The following RAB38 variants were observed in gnomAD, a reference collection of about 807,000 sequenced individuals.
RAB38 encodes the protein ras-related protein Rab-38.
A neutral mutation model predicts 18.4 loss-of-function variants in RAB38; 15 were observed. That is an observed-to-expected ratio of 0.82 (90% CI 0.55 to 1.26). The LOEUF (loss-of-function observed/expected upper bound fraction) is 1.26, where lower values mean the gene tolerates loss of function less well. Ranked by LOEUF, RAB38 falls within the 50% of genes most tolerant of loss-of-function variation. The pLI is 0.00. For missense variants in RAB38, 294 were observed against 267.4 expected (o/e 1.10, Z -0.69); for synonymous variants, 101 against 104.4 (o/e 0.97, Z 0.20).
the RAB38 span, among the ~76,000 whole-genome samples, chr11:87,831,816 G>C: frequency 5.3e-4 from 81 of 152,296 alleles, 1 homozygote; most frequent in Middle Eastern, 6.8e-3. Flanking sequence ...TGTGTTTGTA[G>C]AATATTAATG....
chr11:88,055,930 G>A, the RAB38 span, among the ~76,000 whole-genome samples: 3 of 152,148 alleles, frequency 2.0e-5, no homozygotes, highest in African/African-American at 7.2e-5. Context: ...GTTTAGTTTA[G>A]TTTAGTTGAG....
chr11:88,057,716 G>A, the RAB38 span, among the ~76,000 whole-genome samples: 1 of 152,148 alleles, frequency 6.6e-6, no homozygotes, highest in East Asian at 1.9e-4. Context: ...TGTTACAAAA[G>A]TTTTTAGCCT....
chr11:87,852,154 C>A, the RAB38 span, among the ~76,000 whole-genome samples: 1 of 151,958 alleles, frequency 6.6e-6, no homozygotes, highest in African/African-American at 2.4e-5. Context: ...ATATTCCTTT[C>A]CTCTGGGTAT....
the RAB38 span, among the ~76,000 whole-genome samples, chr11:87,833,619 C>CA: frequency 6.6e-6 from 1 of 152,222 alleles, no homozygotes; most frequent in African/African-American, 2.4e-5. Flanking sequence ...TTAATTTTCT[C>CA]AAAAATCTTG....
the RAB38 span, among the ~76,000 whole-genome samples, chr11:88,018,235 G>A: frequency 1.6e-4 from 24 of 152,106 alleles, no homozygotes; most frequent in South Asian, 1.0e-3. Context: ...GTCTGTACCC[G>A]TATACACTTA....
the RAB38 span, among the ~76,000 whole-genome samples, chr11:87,882,176 G>A: frequency 1.3e-5 from 2 of 151,766 alleles, no homozygotes. Context: ...GATTGCCTCT[G>A]GCCCAGATTT....
chr11:87,829,808 G>T, the RAB38 span, among the ~76,000 whole-genome samples: 35 of 152,168 alleles, frequency 2.3e-4, no homozygotes, highest in Admixed American at 2.3e-3. Context: ...TATAAGGACA[G>T]AGGTGATATT....
chr11:88,138,843 C>T lies in RAB38; in HGVS notation c.483+10832G>A, dbSNP rs535929747. 9.3e-5 allele frequency among the ~76,000 whole-genome samples: 14 copies of T among 151,102 alleles called. No homozygotes were observed. In the East Asian group the frequency reaches 1.4e-3, roughly 15 times the overall value. ...TGTCGCCCAGGCTGGAGTGCAATGG[C>T]GCGATCTCGGCTCCCTGCAAGCTCC... is the stretch of plus-strand genomic sequence containing the variant. On this transcript the variant is annotated intron_variant, in intron 2 of 2. Transcript: ENST00000243662.
chr11:87,972,572 A>T, the RAB38 span, among the ~76,000 whole-genome samples: 1 of 152,046 alleles, frequency 6.6e-6, no homozygotes, highest in Non-Finnish European at 1.5e-5. Context: ...GAAGTACAAT[A>T]GACCCACACC....
chr11:87,871,485 G>A, the RAB38 span, among the ~76,000 whole-genome samples: 2 of 151,634 alleles, frequency 1.3e-5, no homozygotes, highest in Non-Finnish European at 3.0e-5. Flanking sequence ...ATATACCTAT[G>A]TTTAAAATTC....
the RAB38 span, among the ~76,000 whole-genome samples, chr11:87,838,087 A>C: frequency 6.6e-6 from 1 of 151,972 alleles, no homozygotes; most frequent in African/African-American, 2.4e-5. Flanking sequence ...TACAGGAAGA[A>C]AGGCTTACAT....
At chr11:88,042,266 CCT>C in the RAB38 span, among the ~76,000 whole-genome samples, 1 of 152,194 alleles carries the variant, frequency 6.6e-6, no homozygotes, top group Admixed American at 6.5e-5. Context: ...ATAGCCCCCA[CCT>C]CTCATTTGCT....
chr11:87,949,394 T>C, the RAB38 span, among the ~76,000 whole-genome samples: 1 of 152,210 alleles, frequency 6.6e-6, no homozygotes, highest in African/African-American at 2.4e-5. Flanking sequence ...TTTCCTTCAG[T>C]TCTGCTCTGA....
At chr11:87,971,853 T>G in the RAB38 span, among the ~76,000 whole-genome samples, 1 of 152,024 alleles carries the variant, frequency 6.6e-6, no homozygotes, top group African/African-American at 2.4e-5. Context: ...TTTTGCTGAA[T>G]GTAGTAGACA....
At chr11:87,959,432 C>G in the RAB38 span, among the ~76,000 whole-genome samples, 1 of 152,170 alleles carries the variant, frequency 6.6e-6, no homozygotes, top group Non-Finnish European at 1.5e-5. Flanking sequence ...TATTCATACT[C>G]ATATCTATCT....
chr11:88,015,302 G>T, the RAB38 span, among the ~76,000 whole-genome samples: 1 of 152,124 alleles, frequency 6.6e-6, no homozygotes, highest in South Asian at 2.1e-4. Context: ...TGGAGACTTA[G>T]TTCCTCAGAT....
At chr11:88,162,208 C>A (rs1403564273) in intron 1 of RAB38, among the ~76,000 whole-genome samples, 1 of 152,050 alleles carries the variant, frequency 6.6e-6, no homozygotes, top group Non-Finnish European at 1.5e-5. Flanking sequence ...GAAACACTTT[C>A]ATCTGTTTTC....
At chr11:87,884,523 T>C in the RAB38 span, among the ~76,000 whole-genome samples, 1 of 151,878 alleles carries the variant, frequency 6.6e-6, no homozygotes, top group African/African-American at 2.4e-5. Context: ...GGCCTTCACA[T>C]AGCAATGGGA....
At chr11:88,159,101 T>C (rs77322852) in intron 1 of RAB38, among the ~76,000 whole-genome samples, 7,785 of 151,768 alleles carry the variant, frequency 0.051, 277 homozygotes, top group Non-Finnish European at 0.073. Context: ...AATTTTGGGA[T>C]GCAAAAATCA....
Sources: allele counts gnomAD v4.1 joint callset (sites outside exome capture counted in the v4.1 genomes callset), GRCh38; gene constraint gnomAD v4.1.1; transcripts MANE v1.5; gene names NCBI Gene and HGNC (gene_info 2026-07-23, HGNC 2026-07-21).